TMEM117: variants seen among roughly 807,000 people sequenced by gnomAD.
TMEM117 encodes transmembrane protein 117.
TMEM117 carries 27 observed loss-of-function variants against 52.4 expected under a neutral mutation model. The observed-to-expected ratio is 0.51, with a 90% CI of 0.38 to 0.71. The LOEUF (loss-of-function observed/expected upper bound fraction) is 0.71. Ranked by LOEUF, TMEM117 falls within the 30% of genes least tolerant of loss-of-function variation. The pLI, the probability that TMEM117 is intolerant of heterozygous loss-of-function variation, is 0.00. For missense variants in TMEM117, 556 were observed against 630.5 expected (o/e 0.88, Z 1.26); for synonymous variants, 215 against 206.3 (o/e 1.04, Z -0.36).
chr12:44,152,484 AATTT>A (rs1948756104), intron 4 of TMEM117, among the ~76,000 whole-genome samples: 1 of 116,930 alleles, frequency 8.6e-6, no homozygotes, highest in African/African-American at 3.5e-5. Context: ...ATCATATATA[AATTT>A]TTATATATAT....
At position 44,180,130 on chromosome 12, in the gene TMEM117, GGCCCCT is replaced by G. The variant is rs1159934481; in HGVS notation, c.511-31158_511-31153del. Among the ~76,000 whole-genome samples, 11 of 152,062 alleles carry G rather than the reference GGCCCCT, an allele frequency of 7.2e-5. No homozygotes were observed. In the East Asian group the frequency reaches 2.1e-3, roughly 29 times the overall value. On this transcript the variant is annotated intron_variant, in intron 4 of 7. Transcript: ENST00000266534. The stretch of plus-strand genomic sequence containing the variant: ...CTTCAAAAAAGGCACCAAAAAATGT[GGCCCCT>G]GACTGGGCAGCCAGTTCCCAGTGTT...
At chr12:44,357,270 G>A (rs563111176) in intron 6 of TMEM117, among the ~76,000 whole-genome samples, 1 of 152,006 alleles carries the variant, frequency 6.6e-6, no homozygotes, top group South Asian at 2.1e-4. Context: ...CCACAGCATG[G>A]CACCTGCCAC....
intron 6 of TMEM117, among the ~76,000 whole-genome samples, chr12:44,347,955 G>T (rs569114043): frequency 6.6e-6 from 1 of 152,142 alleles, no homozygotes; most frequent in East Asian, 1.9e-4. Context: ...TGAGCACCAT[G>T]ACCTTATAGG....
chr12:43,918,655 C>T (rs577442856), intron 2 of TMEM117, among the ~76,000 whole-genome samples: 2 of 152,286 alleles, frequency 1.3e-5, no homozygotes, highest in African/African-American at 2.4e-5. Context: ...ATGCTTCCTT[C>T]GTACAGACGC....
intron 2 of TMEM117, among the ~76,000 whole-genome samples, chr12:43,894,286 G>A (rs190865300): frequency 1.3e-5 from 2 of 152,284 alleles, no homozygotes; most frequent in Non-Finnish European, 2.9e-5. Flanking sequence ...TTTCACAGAT[G>A]TCTCATCTTC....
intron 3 of TMEM117, among the ~76,000 whole-genome samples, chr12:44,019,291 C>T (rs1249825159): frequency 6.6e-6 from 1 of 151,820 alleles, no homozygotes; most frequent in African/African-American, 2.4e-5. Context: ...GAGCAGGTTG[C>T]GCACTTCCCT....
chr12:43,940,410 ATTC>A (rs1945025572), intron 2 of TMEM117, among the ~76,000 whole-genome samples: 1 of 152,224 alleles, frequency 6.6e-6, no homozygotes, highest in Admixed American at 6.5e-5. Flanking sequence ...TAGAAAGGAA[ATTC>A]TTCTTTCCAT....
At chr12:43,991,412 A>G (rs973299959) in intron 3 of TMEM117, among the ~76,000 whole-genome samples, 4 of 151,060 alleles carry the variant, frequency 2.6e-5, no homozygotes, top group Admixed American at 6.6e-5. Context: ...AATAATTGTA[A>G]TAACCAATCC....
At chr12:44,273,829 A>T (rs1054123086) in intron 5 of TMEM117, among the ~76,000 whole-genome samples, 3 of 152,164 alleles carry the variant, frequency 2.0e-5, no homozygotes, top group African/African-American at 7.2e-5. Context: ...CCTCAGCATA[A>T]TAAAAGCCAT....
chr12:43,966,461 A>C (rs1565773122), intron 3 of TMEM117, among the ~76,000 whole-genome samples: 1 of 152,348 alleles, frequency 6.6e-6, no homozygotes, highest in East Asian at 1.9e-4. Flanking sequence ...CACATAGATT[A>C]TGATGTTCAT....
chr12:44,160,872 A>G (rs554027523), intron 4 of TMEM117, among the ~76,000 whole-genome samples: 2 of 152,350 alleles, frequency 1.3e-5, no homozygotes, highest in East Asian at 3.9e-4. Context: ...TGTAGCTGCC[A>G]TAGTAATTAC....
At chr12:43,991,721 A>AGT (rs1455743384) in intron 3 of TMEM117, among the ~76,000 whole-genome samples, 2 of 152,178 alleles carry the variant, frequency 1.3e-5, no homozygotes, top group Admixed American at 6.5e-5. Flanking sequence ...AGAGAGAGAG[A>AGT]GAGAGCAAGA....
At chr12:43,818,074 TGA>T in the TMEM117 span, among the ~76,000 whole-genome samples, 9 of 152,218 alleles carry the variant, frequency 5.9e-5, no homozygotes. Flanking sequence ...GCCTCTCTGA[TGA>T]GTTTGTAGAA....
intron 2 of TMEM117, among the ~76,000 whole-genome samples, chr12:43,906,164 C>T (rs1944383368): frequency 6.6e-6 from 1 of 152,072 alleles, no homozygotes; most frequent in South Asian, 2.1e-4. Context: ...AATTGTTAAA[C>T]AAAGATGGCA....
the TMEM117 span, among the ~76,000 whole-genome samples, chr12:43,824,773 TA>T: frequency 6.6e-6 from 1 of 151,976 alleles, no homozygotes; most frequent in East Asian, 1.9e-4. Flanking sequence ...ACTAAAAATA[TA>T]AAAAATTAGC....
At position 44,324,085 on chromosome 12, in the gene TMEM117, A is replaced by G. The variant is rs867781689; in HGVS notation, c.768+24346A>G. ...GAGAGAAAAGAGAAGTAAATATAGT[A>G]TCTCAAATTGTTATCTTGAGGTAGA... is the stretch of plus-strand genomic sequence containing the variant. On this transcript the variant is annotated intron_variant, in intron 6 of 7. Transcript: ENST00000266534. Among the ~76,000 whole-genome samples, 13 of 152,228 alleles carry G rather than the reference A, an allele frequency of 8.5e-5. No homozygotes were observed. In the Middle Eastern group the frequency reaches 0.014, roughly 159 times the overall value.
At chr12:44,214,639 T>C (rs1025049066) in intron 5 of TMEM117, among the ~76,000 whole-genome samples, 1 of 152,214 alleles carries the variant, frequency 6.6e-6, no homozygotes, top group Non-Finnish European at 1.5e-5. Context: ...TTCTGTAAAA[T>C]TATTAATAAT....
At chr12:43,808,170 T>G in the TMEM117 span, among the ~76,000 whole-genome samples, 2 of 152,240 alleles carry the variant, frequency 1.3e-5, no homozygotes, top group Admixed American at 1.3e-4. Flanking sequence ...GAGGATCTTA[T>G]AGATCTTGAC....
chr12:43,858,655 C>T (rs1200076965), intron 2 of TMEM117, among the ~76,000 whole-genome samples: 1 of 152,198 alleles, frequency 6.6e-6, no homozygotes, highest in African/African-American at 2.4e-5. Context: ...TGTTATGATA[C>T]TTTGTGTGTC....
Sources: allele counts gnomAD v4.1 joint callset (sites outside exome capture counted in the v4.1 genomes callset), GRCh38; gene constraint gnomAD v4.1.1; transcripts MANE v1.5; gene names NCBI Gene and HGNC (gene_info 2026-07-23, HGNC 2026-07-21).